The following PPP2R5E variants were observed in gnomAD, a reference collection of about 807,000 sequenced individuals.
PPP2R5E encodes protein phosphatase 2 regulatory subunit B'epsilon.
PPP2R5E carries 4 observed loss-of-function variants against 65.3 expected under a neutral mutation model. The ratio of observed to expected loss-of-function variants is 0.06; its 90% CI spans 0.03 to 0.14. The LOEUF is 0.14. Ranked by LOEUF, PPP2R5E falls within the 10% of genes least tolerant of loss-of-function variation. The pLI, the probability that PPP2R5E is intolerant of heterozygous loss-of-function variation, is 1.00. For missense variants in PPP2R5E, 274 were observed against 556.1 expected (o/e 0.49, Z 5.10); for synonymous variants, 183 against 187.4 (o/e 0.98, Z 0.19).
At chr14:63,458,737 A>G (rs934022089) in intron 2 of PPP2R5E, among the ~76,000 whole-genome samples, 4 of 152,204 alleles carry the variant, frequency 2.6e-5, no homozygotes, top group Non-Finnish European at 1.5e-5. Context: ...TTGCATTGGA[A>G]GCTAAACTAT....
At chr14:63,495,990 C>T (rs928656447) in intron 2 of PPP2R5E, among the ~76,000 whole-genome samples, 1 of 152,104 alleles carries the variant, frequency 6.6e-6, no homozygotes, top group Non-Finnish European at 1.5e-5. Flanking sequence ...CATGCCCAGC[C>T]AAGCATATGG....
At chr14:63,468,334 G>A (rs1455932532) in intron 2 of PPP2R5E, among the ~76,000 whole-genome samples, 1 of 152,118 alleles carries the variant, frequency 6.6e-6, no homozygotes, top group African/African-American at 2.4e-5. Context: ...GTCTGGTTGT[G>A]TAAGCATATT....
intron 4 of PPP2R5E, among the ~76,000 whole-genome samples, chr14:63,419,438 T>C (rs1313513489): frequency 6.6e-6 from 1 of 152,174 alleles, no homozygotes; most frequent in East Asian, 1.9e-4. Context: ...AATGTTAAAC[T>C]TCATGATAGG....
At chr14:63,475,089 G>A (rs1334620951) in intron 2 of PPP2R5E, among the ~76,000 whole-genome samples, 1 of 152,212 alleles carries the variant, frequency 6.6e-6, no homozygotes, top group Non-Finnish European at 1.5e-5. Flanking sequence ...GATGATCAAG[G>A]CAGATCAACC....
intron 13 of PPP2R5E, among the ~76,000 whole-genome samples, chr14:63,380,878 C>T (rs1884315744): frequency 6.6e-6 from 1 of 152,084 alleles, no homozygotes; most frequent in Non-Finnish European, 1.5e-5. Flanking sequence ...TGCCATCAAA[C>T]CTTTCCCCTC....
intron 2 of PPP2R5E, among the ~76,000 whole-genome samples, chr14:63,522,596 G>T (rs1225239571): frequency 7.3e-6 from 1 of 137,430 alleles, no homozygotes; most frequent in African/African-American, 2.7e-5. Flanking sequence ...CTGCCCCGCC[G>T]CCCCGTCTGG....
At position 63,393,827 on chromosome 14, in the gene PPP2R5E, T is replaced by G; in HGVS notation, c.842A>C (p.His281Pro). ...LHTVRSLSLF[H>P]AQLAYCIVQF... ...TGTACAAAATCCTCCTACCTGTGCATGGAAGAGTGATAAGCTCCTGACAGT... is the reference window on the plus strand; with the variant it reads ...TGTACAAAATCCTCCTACCTGTGCAGGGAAGAGTGATAAGCTCCTGACAGT... The change falls in exon 8 of 14, where the codon CAT (histidine) becomes CCT (proline). Residue 281 changes from histidine (H) to proline (P), a missense_variant. His to Pro is a moderately conservative substitution (Grantham distance 77). This residue lies in a region of PPP2R5E where 129 missense variants were observed against 254.9 expected (regional missense o/e 0.51). Transcript: ENST00000337537. 6.3e-7 allele frequency: 1 copy of G among 1,585,632 alleles called. No homozygotes were observed.
chr14:63,498,562 A>AT (rs200380543), intron 2 of PPP2R5E, among the ~76,000 whole-genome samples: 2,244 of 148,230 alleles, frequency 0.015, 63 homozygotes, highest in African/African-American at 0.05. Flanking sequence ...CTTTTAAGTA[A>AT]TTTTTTTTTT....
chr14:63,478,096 G>A (rs1295059836), intron 2 of PPP2R5E, among the ~76,000 whole-genome samples: 1 of 152,120 alleles, frequency 6.6e-6, no homozygotes, highest in Non-Finnish European at 1.5e-5. Flanking sequence ...AGAAACCAAG[G>A]AAGGGCAAAT....
intron 3 of PPP2R5E, among the ~76,000 whole-genome samples, chr14:63,435,242 T>G (rs182293052): frequency 6.6e-6 from 1 of 151,764 alleles, no homozygotes; most frequent in South Asian, 2.1e-4. Flanking sequence ...GTTAAGTATA[T>G]CTAAATTTTT....
intron 2 of PPP2R5E, among the ~76,000 whole-genome samples, chr14:63,511,936 G>A (rs1027258382): frequency 5.3e-5 from 8 of 151,878 alleles, no homozygotes; most frequent in East Asian, 3.9e-4. Flanking sequence ...AAAATTAGCC[G>A]GGCGTGGTGG....
intron 2 of PPP2R5E, among the ~76,000 whole-genome samples, chr14:63,528,075 A>C (rs1893255735): frequency 6.6e-6 from 1 of 152,168 alleles, no homozygotes; most frequent in Non-Finnish European, 1.5e-5. Context: ...GTTTTCAAAA[A>C]AAAAACCTTC....
chr14:63,415,260 C>T (rs1886630396), intron 4 of PPP2R5E, 28 bp from the exon 5 acceptor site: 7 of 1,485,034 alleles, frequency 4.7e-6, no homozygotes, highest in Non-Finnish European at 6.6e-6. Flanking sequence ...TAATTAATTT[C>T]AAATTATGAC....
intron 10 of PPP2R5E, 106 bp from the exon 11 acceptor site, chr14:63,389,837 C>T (rs1381182057): frequency 8.9e-6 from 11 of 1,235,380 alleles, no homozygotes; most frequent in Non-Finnish European, 1.1e-5. Flanking sequence ...AAAATTTACA[C>T]ATAAAACCAA....
chr14:63,389,484 A>T, intron 11 of PPP2R5E, 128 bp downstream of exon 11: 3 of 1,137,180 alleles, frequency 2.6e-6, no homozygotes, highest in Non-Finnish European at 3.6e-6. Context: ...CACTATTAAA[A>T]TTATCATCAT....
intron 2 of PPP2R5E, among the ~76,000 whole-genome samples, chr14:63,517,917 C>T (rs1892731644): frequency 6.6e-6 from 1 of 152,100 alleles, no homozygotes. Context: ...AACTTTTATT[C>T]TCTTAATGAA....
intron 2 of PPP2R5E, among the ~76,000 whole-genome samples, chr14:63,511,881 C>T (rs1594957097): frequency 6.6e-6 from 1 of 151,870 alleles, no homozygotes; most frequent in South Asian, 2.1e-4. Context: ...GAGTTTGAGA[C>T]CAGCCTGGCC....
intron 2 of PPP2R5E, among the ~76,000 whole-genome samples, chr14:63,527,066 G>A (rs368500732): frequency 6.6e-6 from 1 of 152,202 alleles, no homozygotes; most frequent in Non-Finnish European, 1.5e-5. Flanking sequence ...CTACTCGGGA[G>A]GCTGAGGCAG....
intron 5 of PPP2R5E, among the ~76,000 whole-genome samples, chr14:63,401,411 G>A (rs1252140051): frequency 6.6e-6 from 1 of 152,180 alleles, no homozygotes; most frequent in African/African-American, 2.4e-5. Context: ...AAGAAAAGAA[G>A]TTAAGAAGCT....
Sources: allele counts gnomAD v4.1 joint callset (sites outside exome capture counted in the v4.1 genomes callset), GRCh38; gene constraint gnomAD v4.1.1; regional missense constraint gnomAD v4.1.1; transcripts MANE v1.5; gene names NCBI Gene and HGNC (gene_info 2026-07-23, HGNC 2026-07-21).